Variants in MYO1D observed in about 807,000 individuals in gnomAD.
MYO1D encodes unconventional myosin-Id.
In MYO1D, 83 loss-of-function variants were observed where a neutral mutation model predicts 122.0. The observed-to-expected ratio is 0.68, with a 90% confidence interval of 0.57 to 0.82. The LOEUF is 0.82. MYO1D is among the 40% of genes least tolerant of loss of function. MYO1D has a pLI of 0.00. For synonymous variants in MYO1D, 464 were observed against 446.9 expected, an observed-to-expected ratio of 1.04 and a Z score of -0.48; for missense variants, 1,157 against 1,269.5, an observed-to-expected ratio of 0.91 and a Z score of 1.35.
chr17:32,701,150 C>T (rs766729013), intron 16 of MYO1D, among the ~76,000 whole-genome samples: 11 of 151,964 alleles, frequency 7.2e-5, no homozygotes, highest in Non-Finnish European at 1.5e-4. Context: ...GAGACTACTT[C>T]GTTCAATTCT....
chr17:32,508,964 T>C (rs901645886), intron 21 of MYO1D, among the ~76,000 whole-genome samples: 1 of 152,188 alleles, frequency 6.6e-6, no homozygotes, highest in African/African-American at 2.4e-5. Flanking sequence ...GTTCCATAAA[T>C]GTCTATAGAA....
intron 21 of MYO1D, among the ~76,000 whole-genome samples, chr17:32,555,953 GAA>G (rs1286977330): frequency 6.6e-6 from 1 of 152,146 alleles, no homozygotes; most frequent in African/African-American, 2.4e-5. Flanking sequence ...ACCACTCTAT[GAA>G]AAGAGGGCAC....
chr17:32,662,400 C>T (rs758280833), intron 16 of MYO1D, among the ~76,000 whole-genome samples: 2 of 152,166 alleles, frequency 1.3e-5, no homozygotes, highest in African/African-American at 4.8e-5. Flanking sequence ...CAGCGGGACG[C>T]GGTGGCTCAC....
At chr17:32,625,060 G>C (rs1474800933) in intron 20 of MYO1D, among the ~76,000 whole-genome samples, 1 of 152,130 alleles carries the variant, frequency 6.6e-6, no homozygotes, top group Non-Finnish European at 1.5e-5. Flanking sequence ...CAAAATGTTG[G>C]GATTACAGGC....
At chr17:32,757,318 C>G (rs2089958764) in intron 10 of MYO1D, among the ~76,000 whole-genome samples, 1 of 151,896 alleles carries the variant, frequency 6.6e-6, no homozygotes, top group Non-Finnish European at 1.5e-5. Flanking sequence ...TTTTGCTCAC[C>G]AGGGGACATT....
At chr17:32,578,506 CG>C (rs1471543136) in intron 21 of MYO1D, among the ~76,000 whole-genome samples, 4 of 152,212 alleles carry the variant, frequency 2.6e-5, no homozygotes, top group African/African-American at 7.2e-5. Flanking sequence ...AACAGATCCT[CG>C]GAACTGGGTT....
chr17:32,598,798 A>G (rs112336255), intron 21 of MYO1D, among the ~76,000 whole-genome samples: 1 of 152,244 alleles, frequency 6.6e-6, no homozygotes, highest in Non-Finnish European at 1.5e-5. Flanking sequence ...AGTGTGATTT[A>G]AAAAGAACAT....
intron 19 of MYO1D, among the ~76,000 whole-genome samples, chr17:32,653,571 T>C (rs2088428209): frequency 7.0e-6 from 1 of 142,606 alleles, no homozygotes; most frequent in Non-Finnish European, 1.5e-5. Flanking sequence ...ACGCCACTGC[T>C]GTCCAGCCTG....
At chr17:32,507,016 T>C (rs913735440) in intron 21 of MYO1D, among the ~76,000 whole-genome samples, 1 of 152,186 alleles carries the variant, frequency 6.6e-6, no homozygotes, top group Non-Finnish European at 1.5e-5. Flanking sequence ...GATAATTGTT[T>C]TGTTTATTTA....
chr17:32,833,868 G>A (rs988871699), intron 1 of MYO1D, among the ~76,000 whole-genome samples: 4 of 152,066 alleles, frequency 2.6e-5, no homozygotes, highest in Middle Eastern at 3.4e-3. Context: ...TTCTCAGTGA[G>A]GCCTTCCCTG....
At chr17:32,652,888 T>TC (rs1426823439) in intron 19 of MYO1D, among the ~76,000 whole-genome samples, 21 of 152,354 alleles carry the variant, frequency 1.4e-4, no homozygotes, top group Admixed American at 3.3e-4. Flanking sequence ...ACGCCTGTAA[T>TC]CCCAGCACTC....
At chr17:32,524,554 C>G (rs1910272625) in intron 21 of MYO1D, among the ~76,000 whole-genome samples, 1 of 146,484 alleles carries the variant, frequency 6.8e-6, no homozygotes, top group Admixed American at 6.9e-5. Context: ...GCCATCATGC[C>G]TGATTAATTC....
chr17:32,678,660 G>T (rs1422489591), intron 16 of MYO1D, among the ~76,000 whole-genome samples: 1 of 149,092 alleles, frequency 6.7e-6, no homozygotes, highest in Non-Finnish European at 1.5e-5. Context: ...GTCTATCATT[G>T]TTGGACATTT....
At chr17:32,693,888 T>C (rs1475210810) in intron 16 of MYO1D, among the ~76,000 whole-genome samples, 39 of 152,222 alleles carry the variant, frequency 2.6e-4, no homozygotes, top group Admixed American at 2.6e-3. Flanking sequence ...GGGCCGGGTG[T>C]GAGGGAATGT....
intron 21 of MYO1D, among the ~76,000 whole-genome samples, chr17:32,543,240 A>G (rs1276076878): frequency 6.7e-6 from 1 of 148,190 alleles, no homozygotes; most frequent in African/African-American, 2.5e-5. Context: ...AAAAATGAAT[A>G]AATAAACAAA....
At chr17:32,525,114 C>T (rs901534486) in intron 21 of MYO1D, among the ~76,000 whole-genome samples, 1 of 152,240 alleles carries the variant, frequency 6.6e-6, no homozygotes, top group Admixed American at 6.5e-5. Context: ...TTCTTACCAT[C>T]TGTCAAATGG....
At chr17:32,876,584 C>T (rs1408551913) in intron 1 of MYO1D, among the ~76,000 whole-genome samples, 194 bp downstream of exon 1, 1 of 152,154 alleles carries the variant, frequency 6.6e-6, no homozygotes, top group Non-Finnish European at 1.5e-5. Flanking sequence ...CCAAAGCGGC[C>T]GCACCCCAGG....
intron 21 of MYO1D, among the ~76,000 whole-genome samples, chr17:32,552,431 T>TCCATCCATCCATCCATCCATCCAC (rs1567887097): frequency 2.0e-4 from 31 of 151,308 alleles, no homozygotes; most frequent in South Asian, 8.4e-4. Context: ...CATCCATCCA[T>TCCATCCATCCATCCATCCATCCAC]CCATCCATCC....
Position 32,688,057 on chromosome 17 carries a change from C to T in MYO1D, c.2121+23931G>A, listed in dbSNP as rs532504942. ...CCGGGAATTTCTGAGCTAAAGACTCCTTATAAGTCATCTATTTGAGAGGTT... is the reference window on the plus strand; with the variant it reads ...CCGGGAATTTCTGAGCTAAAGACTCTTTATAAGTCATCTATTTGAGAGGTT... On this transcript the variant is annotated intron_variant, in intron 16 of 21. Coordinates refer to ENST00000318217, the MANE Select transcript of MYO1D (RefSeq NM_015194.3). Among the ~76,000 whole-genome samples, 4 of 152,268 alleles carry T rather than the reference C, an allele frequency of 2.6e-5. No individual in the cohort carries two copies. In the East Asian group the frequency reaches 7.7e-4, roughly 29 times the overall value.
Sources: gnomAD v4.1 joint callset for allele counts (sites outside exome capture counted in the v4.1 genomes callset) on GRCh38, gnomAD v4.1.1 for gene constraint, MANE v1.5 for transcripts, NCBI Gene and HGNC (gene_info 2026-07-23, HGNC 2026-07-21) for gene names.